Variants in ANTXR1 observed in about 807,000 individuals in gnomAD.
ANTXR1 encodes anthrax toxin receptor 1.
In ANTXR1, 19 loss-of-function variants were observed where a neutral mutation model predicts 78.1. That is an observed-to-expected ratio of 0.24 (90% CI 0.17 to 0.36). The LOEUF is 0.36. Among genes scored for constraint, ANTXR1 ranks in the 10% least tolerant of loss-of-function variants. The pLI is 1.00. For missense variants in ANTXR1, 518 were observed against 718.6 expected (o/e 0.72, Z 3.19); for synonymous variants, 273 against 260.5 (o/e 1.05, Z -0.46).
intron 1 of ANTXR1, among the ~76,000 whole-genome samples, chr2:69,018,879 T>G (rs1242544328): frequency 1.3e-5 from 2 of 152,208 alleles, no homozygotes; most frequent in Non-Finnish European, 2.9e-5. Flanking sequence ...TCATGGTGCA[T>G]AAGGCGATTA....
At chr2:69,043,014 C>T (rs373234013) in intron 2 of ANTXR1, among the ~76,000 whole-genome samples, 9 of 152,192 alleles carry the variant, frequency 5.9e-5, no homozygotes, top group South Asian at 2.1e-4. Flanking sequence ...CACATCAGTA[C>T]GCTGAGGACT....
At chr2:69,127,924 T>C (rs374250276) in intron 12 of ANTXR1, among the ~76,000 whole-genome samples, 1 of 152,102 alleles carries the variant, frequency 6.6e-6, no homozygotes, top group East Asian at 1.9e-4. Context: ...TTATGTGACC[T>C]TAATAAGTTG....
chr2:69,163,610 C>T (rs955615006), intron 13 of ANTXR1, among the ~76,000 whole-genome samples: 6 of 152,304 alleles, frequency 3.9e-5, no homozygotes, highest in Non-Finnish European at 8.8e-5. Context: ...CATTCAACCC[C>T]TGCATTTTTC....
chr2:69,227,661 G>A (rs192845319), intron 17 of ANTXR1, among the ~76,000 whole-genome samples: 1 of 152,260 alleles, frequency 6.6e-6, no homozygotes, highest in East Asian at 1.9e-4. Flanking sequence ...GCTCCATGCT[G>A]TCAGGTGCCC....
intron 9 of ANTXR1, among the ~76,000 whole-genome samples, chr2:69,091,565 G>C (rs1369560743): frequency 6.6e-6 from 1 of 151,876 alleles, no homozygotes; most frequent in Non-Finnish European, 1.5e-5. Flanking sequence ...CCTACCTCTG[G>C]ATAGAAATGG....
At chr2:69,231,440 A>G (rs1364532839) in intron 17 of ANTXR1, among the ~76,000 whole-genome samples, 1 of 152,186 alleles carries the variant, frequency 6.6e-6, no homozygotes, top group African/African-American at 2.4e-5. Context: ...CAGAAAAAAA[A>G]AGGGAAACCT....
chr2:69,177,260 TCC>T (rs903086033), intron 14 of ANTXR1, among the ~76,000 whole-genome samples: 1 of 152,176 alleles, frequency 6.6e-6, no homozygotes, highest in Non-Finnish European at 1.5e-5. Context: ...AGAAGGGCTT[TCC>T]AGGCATGTGG....
intron 10 of ANTXR1, among the ~76,000 whole-genome samples, chr2:69,120,454 A>G (rs1672309253): frequency 6.6e-6 from 1 of 152,208 alleles, no homozygotes. Flanking sequence ...GCACAAGGTC[A>G]GGAGTTTGAG....
chr2:69,151,826 G>T (rs1046794239), intron 12 of ANTXR1, among the ~76,000 whole-genome samples: 1 of 152,244 alleles, frequency 6.6e-6, no homozygotes, highest in Admixed American at 6.5e-5. Context: ...CAGTGAGGAG[G>T]CTGTCACCAG....
At chr2:69,023,019 T>G (rs954358243) in intron 1 of ANTXR1, among the ~76,000 whole-genome samples, 2 of 152,198 alleles carry the variant, frequency 1.3e-5, no homozygotes, top group African/African-American at 4.8e-5. Flanking sequence ...CTACATGAAA[T>G]GTGCCTCATG....
intron 3 of ANTXR1, among the ~76,000 whole-genome samples, chr2:69,054,623 A>G (rs1470805448): frequency 6.6e-6 from 1 of 152,154 alleles, no homozygotes; most frequent in Non-Finnish European, 1.5e-5. Flanking sequence ...TCTCCTTCTC[A>G]GTCATCCTTT....
chr2:69,226,867 C>T (rs1675468771), intron 17 of ANTXR1, among the ~76,000 whole-genome samples: 1 of 152,148 alleles, frequency 6.6e-6, no homozygotes, highest in African/African-American at 2.4e-5. Context: ...AAAGATTCCT[C>T]TTACAGTCTC....
chr2:69,181,655 A>C (rs1248265241), intron 14 of ANTXR1, 131 bp from the exon 15 acceptor site: 7 of 884,734 alleles, frequency 7.9e-6, no homozygotes, highest in Non-Finnish European at 1.3e-5. Flanking sequence ...AGGTTCTAGG[A>C]AACAGTAGCA....
At chr2:69,083,436 A>G (rs1392146995) in intron 8 of ANTXR1, among the ~76,000 whole-genome samples, 1 of 151,976 alleles carries the variant, frequency 6.6e-6, no homozygotes, top group Non-Finnish European at 1.5e-5. Flanking sequence ...TCCCATCTCT[A>G]CAAAGCCTGC....
chr2:69,079,346 G>A (rs1031166673), intron 8 of ANTXR1, among the ~76,000 whole-genome samples: 4 of 152,122 alleles, frequency 2.6e-5, no homozygotes, highest in Admixed American at 1.3e-4. Context: ...GCCGATCATG[G>A]ATCCTTAAGA....
chr2:69,152,059 C>G (rs1413985519), intron 12 of ANTXR1, 110 bp from the exon 13 acceptor site: 2 of 1,100,040 alleles, frequency 1.8e-6, no homozygotes, highest in Middle Eastern at 2.0e-4. Context: ...GCTTGGCAAA[C>G]TGTGCTGCTC....
In ANTXR1 at chr2:69,186,078, C is replaced by T. The variant is rs1226804503; in HGVS notation, c.1353+3418C>T. On this transcript the variant is annotated intron_variant, in intron 16 of 17. Coordinates refer to ENST00000303714, the MANE Select transcript of ANTXR1 (RefSeq NM_032208.3). ...CCCCAGTAAACAGTGTTGTACCTGG[C>T]TCATCCCTTATTAAAGAGCTGAGGC... is the stretch of plus-strand genomic sequence containing the variant. 7.3e-3 allele frequency among the ~76,000 whole-genome samples: 1,112 copies of T among 152,290 alleles called. 12 individuals carry two copies. The highest frequency in any genetic ancestry group is 0.025 in the African/African-American group (1,054 of 41,550).
chr2:69,209,209 A>G (rs1573978488), intron 17 of ANTXR1, among the ~76,000 whole-genome samples: 1 of 152,344 alleles, frequency 6.6e-6, no homozygotes, highest in East Asian at 1.9e-4. Context: ...TCTTTGAAAA[A>G]TTCCTGAGAA....
rs150492323 is a variant in ANTXR1, at chr2:69,124,015, G to A, written c.873-550G>A. ...CAAATTAGCTCAGTGTCCATGCTGC[G>A]AAATGCAACAAAACAAGAGGTCAGT... is the stretch of plus-strand genomic sequence containing the variant. On this transcript the variant is annotated intron_variant, in intron 11 of 17. Transcript: ENST00000303714. Among the ~76,000 whole-genome samples the A allele has an allele frequency of 1.4e-3, 219 of 152,260 alleles. 2 individuals are homozygous for A. The highest frequency in any genetic ancestry group is 5.1e-3 in the African/African-American group (210 of 41,534).
Sources: allele counts gnomAD v4.1 joint callset (sites outside exome capture counted in the v4.1 genomes callset), GRCh38; gene constraint gnomAD v4.1.1; transcripts MANE v1.5; gene names NCBI Gene and HGNC (gene_info 2026-07-23, HGNC 2026-07-21).